CCSER1: variants seen among roughly 807,000 people sequenced by gnomAD.
CCSER1 encodes the protein serine-rich coiled-coil domain-containing protein 1.
A neutral mutation model predicts 82.0 loss-of-function variants in CCSER1; 41 were observed. The ratio of observed to expected loss-of-function variants is 0.50; its 90% CI spans 0.39 to 0.65. The LOEUF is 0.65. CCSER1 is among the 30% of genes least tolerant of loss of function. The pLI is 0.00. For missense variants in CCSER1, 1,119 were observed against 1,064.2 expected (o/e 1.05, Z -0.72); for synonymous variants, 414 against 383.9 (o/e 1.08, Z -0.92).
chr4:90,450,326 A>T (rs6843629), intron 4 of CCSER1, among the ~76,000 whole-genome samples: 1 of 152,180 alleles, frequency 6.6e-6, no homozygotes, highest in African/African-American at 2.4e-5. Flanking sequence ...TCATTCTGAA[A>T]ACAATGTTGT....
At chr4:90,445,646 GTCCTT>G (rs1242923491) in intron 4 of CCSER1, among the ~76,000 whole-genome samples, 1 of 152,080 alleles carries the variant, frequency 6.6e-6, no homozygotes, top group Non-Finnish European at 1.5e-5. Flanking sequence ...AAAAATTAAT[GTCCTT>G]TCAAGTAACT....
At chr4:90,298,993 T>A (rs897443517) in intron 1 of CCSER1, among the ~76,000 whole-genome samples, 1 of 152,110 alleles carries the variant, frequency 6.6e-6, no homozygotes, top group Non-Finnish European at 1.5e-5. Context: ...TCTCTATTTC[T>A]CTTTTCTCTC....
chr4:90,697,121 A>G (rs1737127023), intron 6 of CCSER1, among the ~76,000 whole-genome samples: 1 of 152,182 alleles, frequency 6.6e-6, no homozygotes, highest in South Asian at 2.1e-4. Context: ...TACCTCAGCC[A>G]TATTTCTCAA....
At chr4:91,284,761 C>G (rs1388036829) in intron 10 of CCSER1, among the ~76,000 whole-genome samples, 1 of 152,176 alleles carries the variant, frequency 6.6e-6, no homozygotes, top group Admixed American at 6.6e-5. Context: ...CCAAGTAAAT[C>G]CATCTTAATA....
At chr4:91,196,755 C>T (rs1449080805) in intron 10 of CCSER1, among the ~76,000 whole-genome samples, 1 of 152,210 alleles carries the variant, frequency 6.6e-6, no homozygotes, top group Non-Finnish European at 1.5e-5. Context: ...CTCACCATTT[C>T]CTTGCTATTC....
At chr4:91,408,444 A>T (rs1035477218) in intron 10 of CCSER1, among the ~76,000 whole-genome samples, 1 of 152,190 alleles carries the variant, frequency 6.6e-6, no homozygotes, top group South Asian at 2.1e-4. Context: ...CCTTTTTATG[A>T]TGACTTATTT....
At chr4:90,219,022 A>G (rs1741634175) in intron 1 of CCSER1, among the ~76,000 whole-genome samples, 1 of 152,212 alleles carries the variant, frequency 6.6e-6, no homozygotes, top group Admixed American at 6.5e-5. Context: ...AGGAGAAATT[A>G]TTAAAGGATT....
intron 10 of CCSER1, among the ~76,000 whole-genome samples, chr4:91,487,686 T>C (rs964139917): frequency 3.9e-5 from 6 of 152,088 alleles, no homozygotes; most frequent in African/African-American, 1.4e-4. Context: ...AATTTTAATT[T>C]CCTTTAAATG....
chr4:90,906,790 T>C (rs1051158021), intron 8 of CCSER1, among the ~76,000 whole-genome samples: 7 of 152,080 alleles, frequency 4.6e-5, no homozygotes, highest in Admixed American at 2.0e-4. Flanking sequence ...GTTCTGGTTT[T>C]TTTTAATGAG....
At chr4:91,146,805 G>T (rs1472187870) in intron 10 of CCSER1, among the ~76,000 whole-genome samples, 1 of 152,094 alleles carries the variant, frequency 6.6e-6, no homozygotes, top group Non-Finnish European at 1.5e-5. Flanking sequence ...TGGTGGTGTA[G>T]TTTAGACTGT....
At chr4:90,489,367 A>G (rs1242776855) in intron 5 of CCSER1, among the ~76,000 whole-genome samples, 1 of 152,166 alleles carries the variant, frequency 6.6e-6, no homozygotes, top group Non-Finnish European at 1.5e-5. Context: ...TGCTATTTTA[A>G]GATATACCCC....
intron 1 of CCSER1, among the ~76,000 whole-genome samples, chr4:90,272,865 T>C (rs1726813195): frequency 6.6e-6 from 1 of 152,076 alleles, no homozygotes; most frequent in African/African-American, 2.4e-5. Context: ...TCGCTGAGCA[T>C]GGTGGCATGC....
At chr4:91,359,698 G>T (rs12507399) in intron 10 of CCSER1, among the ~76,000 whole-genome samples, 42,074 of 151,520 alleles carry the variant, frequency 0.28, 6,639 homozygotes, top group Middle Eastern at 0.44. Context: ...GCAATCTTGC[G>T]TTGCTGTAGT....
chr4:90,304,733 G>T (rs951624816), intron 1 of CCSER1, among the ~76,000 whole-genome samples: 1 of 151,764 alleles, frequency 6.6e-6, no homozygotes, highest in Non-Finnish European at 1.5e-5. Context: ...CAGCAGCATG[G>T]CACATGTATA....
chr4:90,600,909 G>T (rs1470362354), intron 5 of CCSER1, among the ~76,000 whole-genome samples: 1 of 151,602 alleles, frequency 6.6e-6, no homozygotes, highest in Non-Finnish European at 1.5e-5. Flanking sequence ...TCATATTTCT[G>T]TCAGATTTCT....
At chr4:90,623,613 A>G (rs192426449) in intron 5 of CCSER1, among the ~76,000 whole-genome samples, 2 of 152,186 alleles carry the variant, frequency 1.3e-5, no homozygotes, top group African/African-American at 4.8e-5. Flanking sequence ...TTTTTATCTA[A>G]ATGTAAATTT....
chr4:90,200,896 A>T (rs955591744), intron 1 of CCSER1, among the ~76,000 whole-genome samples: 1 of 152,158 alleles, frequency 6.6e-6, no homozygotes, highest in Non-Finnish European at 1.5e-5. Flanking sequence ...AGAGATGAAT[A>T]GGAAATACTT....
rs1030964776 is a variant in CCSER1, at chr4:91,300,583, C to T, written c.2217+214589C>T. Among the ~76,000 whole-genome samples, 17 of 151,532 alleles carry T rather than the reference C, an allele frequency of 1.1e-4. No individual in the cohort carries two copies. The East Asian group carries it at 1.2e-3, about 10-fold the overall frequency. ...ACTCCAATATTTTAAAAATGATTTC[C>T]ACCAGTCCATATTTGGAGGGATACT... On this transcript the variant is annotated intron_variant, in intron 10 of 10. Transcript: ENST00000509176.
intron 10 of CCSER1, among the ~76,000 whole-genome samples, chr4:91,190,509 A>C (rs756558914): frequency 6.6e-6 from 1 of 152,210 alleles, no homozygotes; most frequent in Non-Finnish European, 1.5e-5. Context: ...ATGTAAAGGA[A>C]ATTTTTTGAA....
Sources: gnomAD v4.1 joint callset for allele counts (sites outside exome capture counted in the v4.1 genomes callset) on GRCh38, gnomAD v4.1.1 for gene constraint, MANE v1.5 for transcripts, NCBI Gene and HGNC (gene_info 2026-07-23, HGNC 2026-07-21) for gene names.